Variants in EIF2AK2 observed in about 807,000 individuals in gnomAD.
EIF2AK2 encodes interferon-induced, double-stranded RNA-activated protein kinase.
In EIF2AK2, 40 loss-of-function variants were observed where a neutral mutation model predicts 70.5. The ratio of observed to expected loss-of-function variants is 0.57; its 90% CI spans 0.44 to 0.74. The LOEUF is 0.74. Ranked by LOEUF, EIF2AK2 falls within the 30% of genes least tolerant of loss-of-function variation. The pLI is 0.00. For synonymous variants in EIF2AK2, 198 were observed against 220.9 expected (o/e 0.90, Z 0.92); for missense variants, 555 against 644.3 (o/e 0.86, Z 1.50).
intron 3 of EIF2AK2, among the ~76,000 whole-genome samples, chr2:37,147,284 T>A (rs1392021167): frequency 6.6e-6 from 1 of 152,068 alleles, no homozygotes; most frequent in Admixed American, 6.5e-5. Context: ...CCAGCTTACA[T>A]TTATAAGGTC....
chr2:37,121,262 CAAAAAAAAAA>C (rs70949733), intron 12 of EIF2AK2, among the ~76,000 whole-genome samples: 2 of 72,720 alleles, frequency 2.8e-5, no homozygotes, highest in South Asian at 1.3e-3. Context: ...GACACCGTCT[CAAAAAAAAAA>C]AAAAAAAAAA....
At chr2:37,155,267 G>C (rs1360198115) in intron 1 of EIF2AK2, among the ~76,000 whole-genome samples, 1 of 152,018 alleles carries the variant, frequency 6.6e-6, no homozygotes, top group Admixed American at 6.6e-5. Context: ...TCCTTCACAG[G>C]CTCTTCCACA....
chr2:37,129,746 T>C (rs1399473136), intron 10 of EIF2AK2, among the ~76,000 whole-genome samples: 1 of 152,164 alleles, frequency 6.6e-6, no homozygotes, highest in East Asian at 1.9e-4. Flanking sequence ...CCTCACTCAC[T>C]CTTTCTTGGT....
chr2:37,146,233 C>T (rs1391802792), intron 4 of EIF2AK2, among the ~76,000 whole-genome samples: 1 of 152,072 alleles, frequency 6.6e-6, no homozygotes, highest in Non-Finnish European at 1.5e-5. Flanking sequence ...ACTGGTTGTA[C>T]CATTCAGGAT....
chr2:37,141,418 A>G, intron 5 of EIF2AK2, 135 bp downstream of exon 5: 1 of 1,050,012 alleles, frequency 9.5e-7, no homozygotes, highest in Non-Finnish European at 1.4e-6. Context: ...AAATCCAATT[A>G]CTTATCAATC....
chr2:37,149,276 A>T, intron 1 of EIF2AK2: 1 of 1,049,964 alleles, frequency 9.5e-7, no homozygotes, highest in South Asian at 1.3e-5. Flanking sequence ...GAAGGAGGAG[A>T]AATAATTCAT....
intron 12 of EIF2AK2, 94 bp downstream of exon 12, chr2:37,122,412 C>A: frequency 3.1e-6 from 4 of 1,295,578 alleles, no homozygotes; most frequent in Non-Finnish European, 4.2e-6. Flanking sequence ...GATAATTAAT[C>A]GTGATGATTA....
At chr2:37,120,721 G>C (rs1157347873) in intron 12 of EIF2AK2, among the ~76,000 whole-genome samples, 2 of 149,596 alleles carry the variant, frequency 1.3e-5, no homozygotes, top group African/African-American at 4.9e-5. Context: ...CTAGCACCTT[G>C]GGAGGCCGAG....
At chr2:37,137,086 T>C (rs1675154175) in intron 8 of EIF2AK2, 69 bp from the exon 9 acceptor site, 13 of 1,379,464 alleles carry the variant, frequency 9.4e-6, no homozygotes, top group Middle Eastern at 1.8e-4. Context: ...CCGTTTTCCT[T>C]CCTCCTGTAT....
intron 1 of EIF2AK2, among the ~76,000 whole-genome samples, chr2:37,152,333 G>C (rs1005438815): frequency 2.0e-5 from 3 of 152,046 alleles, no homozygotes; most frequent in African/African-American, 7.2e-5. Context: ...CCAGGCTGGA[G>C]TGCAGTAACA....
intron 13 of EIF2AK2, among the ~76,000 whole-genome samples, chr2:37,117,957 T>C (rs1228557708): frequency 6.6e-6 from 1 of 152,048 alleles, no homozygotes; most frequent in Non-Finnish European, 1.5e-5. Context: ...AGGAGAGAAA[T>C]CAACAACTGT....
chr2:37,112,296 C>CTATTTT (rs1558408196), intron 14 of EIF2AK2, among the ~76,000 whole-genome samples: 8 of 152,026 alleles, frequency 5.3e-5, no homozygotes, highest in Admixed American at 1.3e-4. Flanking sequence ...AGAAATAGAC[C>CTATTTT]CTTGGTATTT....
At position 37,107,364 on chromosome 2, in the gene EIF2AK2, T is replaced by G; in HGVS notation, c.1565A>C (p.Lys522Thr). 1 of 1,613,964 alleles carries G rather than the reference T, an allele frequency of 6.2e-7. No homozygotes were observed. Among genetic ancestry groups the G allele is most frequent in the Non-Finnish European group, 8.5e-7 (1 of 1,179,982 alleles). ...KTLLQKLLSK[K>T]PEDRPNTSEI... ...AGATGTGTTAGGTCGATCCTCAGGT[T>G]TCTTTGAGAGTAATTTCTGTAGAAG... The change falls in exon 17 of 17, where the codon AAA becomes ACA. Residue 522 changes from lysine to threonine, a missense_variant. By Grantham distance (78) the Lys-to-Thr change is moderately conservative. Coordinates refer to ENST00000233057, the MANE Select transcript of EIF2AK2 (RefSeq NM_001135651.3).
chr2:37,148,641 T>G, intron 2 of EIF2AK2: 1 of 836,028 alleles, frequency 1.2e-6, no homozygotes. Context: ...TCAAATGACA[T>G]GCTTTTACTT....
intron 1 of EIF2AK2, among the ~76,000 whole-genome samples, chr2:37,155,001 TG>T (rs563011834): frequency 2.0e-4 from 30 of 152,154 alleles, no homozygotes; most frequent in African/African-American, 7.0e-4. Flanking sequence ...CTAGCATCAC[TG>T]GGCCCGGTCC....
At chr2:37,129,401 C>T (rs1184419687) in intron 10 of EIF2AK2, among the ~76,000 whole-genome samples, 1 of 152,092 alleles carries the variant, frequency 6.6e-6, no homozygotes, top group Non-Finnish European at 1.5e-5. Context: ...GGAATGCCCT[C>T]AACAGGGACA....
intron 12 of EIF2AK2, among the ~76,000 whole-genome samples, chr2:37,122,010 T>C (rs1674571138): frequency 6.6e-6 from 1 of 152,296 alleles, no homozygotes; most frequent in Non-Finnish European, 1.5e-5. Context: ...GCTTGTGGTC[T>C]TAAAAATATT....
intron 1 of EIF2AK2, among the ~76,000 whole-genome samples, chr2:37,152,438 C>A (rs1675775656): frequency 6.6e-6 from 1 of 152,042 alleles, no homozygotes; most frequent in South Asian, 2.1e-4. Context: ...TACAGGTGCC[C>A]ACCACCACGC....
intron 4 of EIF2AK2, 139 bp downstream of exon 4, chr2:37,146,714 G>A (rs1675552194): frequency 3.8e-6 from 4 of 1,042,172 alleles, no homozygotes; most frequent in Non-Finnish European, 5.5e-6. Flanking sequence ...ATGAAGATAG[G>A]GTGAATGACT....
Sources: gnomAD v4.1 joint callset for allele counts (sites outside exome capture counted in the v4.1 genomes callset) on GRCh38, gnomAD v4.1.1 for gene constraint, MANE v1.5 for transcripts, NCBI Gene and HGNC (gene_info 2026-07-23, HGNC 2026-07-21) for gene names.